CHL1: variants seen among roughly 807,000 people sequenced by gnomAD.
The protein encoded by CHL1 is neural cell adhesion molecule L1-like protein.
A neutral mutation model predicts 141.9 loss-of-function variants in CHL1; 96 were observed. The ratio of observed to expected loss-of-function variants is 0.68; its 90% CI spans 0.57 to 0.80. The LOEUF is 0.80. Among genes scored for constraint, CHL1 ranks in the 30% least tolerant of loss-of-function variants. The probability of loss-of-function intolerance (pLI) is 0.00; values close to 1 mark genes in which losing one functional copy is unlikely to be tolerated. For missense variants in CHL1, 1,820 were observed against 1,457.2 expected, an observed-to-expected ratio of 1.25 and a Z score of -4.05; for synonymous variants, 613 against 502.2, an observed-to-expected ratio of 1.22 and a Z score of -2.95.
intron 2 of CHL1, among the ~76,000 whole-genome samples, chr3:271,010 C>T (rs1695587050): frequency 6.6e-6 from 1 of 152,146 alleles, no homozygotes; most frequent in Admixed American, 6.5e-5. Context: ...TAAGACCAGC[C>T]TGAATTCAAG....
At chr3:256,046 T>G (rs1694129707) in intron 2 of CHL1, among the ~76,000 whole-genome samples, 1 of 152,238 alleles carries the variant, frequency 6.6e-6, no homozygotes, top group Admixed American at 6.5e-5. Flanking sequence ...TTACCTATAA[T>G]TATCTACAGC....
intron 15 of CHL1, among the ~76,000 whole-genome samples, chr3:375,515 G>T (rs1368288220): frequency 6.6e-6 from 1 of 151,922 alleles, no homozygotes; most frequent in East Asian, 1.9e-4. Flanking sequence ...ATAGTGAAAG[G>T]TCTCTTTCTA....
In CHL1 at chr3:253,229, C is replaced by G. The variant is rs192479127; in HGVS notation, c.-95+8537C>G. On this transcript the variant is annotated intron_variant, in intron 2 of 27. Coordinates refer to ENST00000256509, the MANE Select transcript of CHL1 (RefSeq NM_006614.4). ...TATGATTAACAATGCTTTTATTGCC[C>G]TAGCCATGGCTGTGATGTATCTCGT... Among the ~76,000 whole-genome samples the G allele has an allele frequency of 9.2e-5, 14 of 152,154 alleles. No homozygotes were observed. The East Asian group carries it at 9.6e-4, about 10-fold the overall frequency.
intron 5 of CHL1, among the ~76,000 whole-genome samples, chr3:339,806 A>G (rs1222011431): frequency 1.3e-5 from 2 of 152,186 alleles, no homozygotes; most frequent in African/African-American, 2.4e-5. Context: ...AAACCTTTAT[A>G]TTTCCAAGAA....
chr3:243,245 C>G (rs371018497), intron 1 of CHL1, among the ~76,000 whole-genome samples: 7 of 152,142 alleles, frequency 4.6e-5, no homozygotes, highest in Non-Finnish European at 5.9e-5. Flanking sequence ...ACTGTCGTAA[C>G]ACACATAGGA....
At chr3:346,285 C>A (rs1341152031) in intron 9 of CHL1, among the ~76,000 whole-genome samples, 1 of 152,134 alleles carries the variant, frequency 6.6e-6, no homozygotes, top group Non-Finnish European at 1.5e-5. Flanking sequence ...TACTATGACA[C>A]AGACTCTGTT....
chr3:381,826 A>T (rs1368588501), intron 16 of CHL1, among the ~76,000 whole-genome samples: 1 of 152,128 alleles, frequency 6.6e-6, no homozygotes, highest in African/African-American at 2.4e-5. Flanking sequence ...TTATTTGGTG[A>T]GAGTCTGGGT....
intron 2 of CHL1, among the ~76,000 whole-genome samples, chr3:291,877 T>C (rs1697725104): frequency 6.6e-6 from 1 of 152,160 alleles, no homozygotes; most frequent in African/African-American, 2.4e-5. Flanking sequence ...TCCTGTCGAG[T>C]CTCACAGCAG....
chr3:396,653 A>G (rs1017139508), intron 24 of CHL1, among the ~76,000 whole-genome samples: 3 of 152,078 alleles, frequency 2.0e-5, no homozygotes, highest in Admixed American at 6.5e-5. Context: ...ACATTTCTTC[A>G]CTGTCGTATG....
rs1698374808 is a variant in CHL1, at chr3:196,915, G to C, written c.-323G>C. 1 of 152,456 alleles carries C rather than the reference G, an allele frequency of 6.6e-6. No individual in the cohort carries two copies. The highest frequency in any genetic ancestry group is 1.5e-5 in the Non-Finnish European group (1 of 68,262). The allele number at this position is 152,456 out of a possible 1,614,324, so 9.4% of individuals were successfully genotyped here. A position where few individuals can be genotyped will look rare whatever the true frequency, so the allele number is the denominator to read the frequency against. On this transcript the variant is annotated 5_prime_UTR_variant, in exon 1 of 28. Coordinates refer to ENST00000256509, the MANE Select transcript of CHL1 (RefSeq NM_006614.4). The stretch of plus-strand genomic sequence containing the variant: ...ACCTCCGCGGACAGCCCCGGGTGCG[G>C]ACCAGCGGGCAGCGGCCGGCGAGAC...
At chr3:359,883 G>A (rs948221472) in intron 11 of CHL1, among the ~76,000 whole-genome samples, 1 of 152,182 alleles carries the variant, frequency 6.6e-6, no homozygotes, top group African/African-American at 2.4e-5. Flanking sequence ...AGTACTGGTA[G>A]CTAGGGAGAT....
intron 1 of CHL1, among the ~76,000 whole-genome samples, chr3:234,855 G>T: frequency 6.6e-6 from 1 of 152,142 alleles, no homozygotes; most frequent in Non-Finnish European, 1.5e-5. Context: ...AAGACCCTTT[G>T]TACAATGCTC....
intron 2 of CHL1, among the ~76,000 whole-genome samples, chr3:304,058 C>T (rs1485326543): frequency 6.6e-6 from 1 of 152,182 alleles, no homozygotes; most frequent in Non-Finnish European, 1.5e-5. Context: ...ACCAGCCTTG[C>T]ATCCCAGGTA....
At chr3:269,387 A>C (rs1240062816) in intron 2 of CHL1, among the ~76,000 whole-genome samples, 1 of 152,152 alleles carries the variant, frequency 6.6e-6, no homozygotes, top group Non-Finnish European at 1.5e-5. Context: ...TGAACTTCCG[A>C]ATCTGTTTCT....
At chr3:317,748 T>C (rs78344689) in intron 2 of CHL1, among the ~76,000 whole-genome samples, 5,376 of 151,780 alleles carry the variant, frequency 0.035, 305 homozygotes, top group African/African-American at 0.12. Flanking sequence ...CATGGTTTAA[T>C]GTCTCCCAAC....
At chr3:362,650 C>T (rs937999219) in intron 13 of CHL1, among the ~76,000 whole-genome samples, 7 of 151,646 alleles carry the variant, frequency 4.6e-5, no homozygotes, top group African/African-American at 1.7e-4. Context: ...CTCAAGCAGT[C>T]GCTTATTGTC....
At chr3:369,062 G>T (rs1461312897) in intron 15 of CHL1, among the ~76,000 whole-genome samples, 17 of 152,238 alleles carry the variant, frequency 1.1e-4, no homozygotes, top group African/African-American at 4.1e-4. Context: ...GCTTAGGATT[G>T]TTTTGTCTAT....
chr3:255,444 C>G (rs959356866), intron 2 of CHL1, among the ~76,000 whole-genome samples: 1 of 152,068 alleles, frequency 6.6e-6, no homozygotes, highest in African/African-American at 2.4e-5. Context: ...TCAGTAACTT[C>G]TAGGTCACAG....
At chr3:369,162 A>G (rs529628419) in intron 15 of CHL1, among the ~76,000 whole-genome samples, 17 of 152,096 alleles carry the variant, frequency 1.1e-4, no homozygotes, top group East Asian at 1.9e-4. Context: ...TGGGAATAGC[A>G]TTGAATCTAT....
Sources: gnomAD v4.1 joint callset for allele counts (sites outside exome capture counted in the v4.1 genomes callset) on GRCh38, gnomAD v4.1.1 for gene constraint, MANE v1.5 for transcripts, NCBI Gene and HGNC (gene_info 2026-07-23, HGNC 2026-07-21) for gene names.